The following LYPLAL1 variants were observed in gnomAD, a reference collection of about 807,000 sequenced individuals.
The protein encoded by LYPLAL1 is lysophospholipase-like protein 1.
LYPLAL1 carries 23 observed loss-of-function variants against 19.7 expected under a neutral mutation model. That is an observed-to-expected ratio of 1.17 (90% CI 0.84 to 1.65). The LOEUF (loss-of-function observed/expected upper bound fraction) is 1.65, where lower values mean the gene tolerates loss of function less well. Among genes scored for constraint, LYPLAL1 ranks in the 40% most tolerant of loss-of-function variants. The probability of loss-of-function intolerance (pLI) is 0.00; values close to 1 mark genes in which losing one functional copy is unlikely to be tolerated. For missense variants in LYPLAL1, 355 were observed against 279.4 expected (o/e 1.27, Z -1.93); for synonymous variants, 119 against 96.3 (o/e 1.24, Z -1.38).
At chr1:219,178,890 A>G (rs1288887747) in intron 1 of LYPLAL1, among the ~76,000 whole-genome samples, 1 of 132,590 alleles carries the variant, frequency 7.5e-6, no homozygotes, top group Non-Finnish European at 1.7e-5. Context: ...TAGGTAACTT[A>G]AAACTTAAGC....
chr1:219,349,908 C>A, the LYPLAL1 span, among the ~76,000 whole-genome samples: 8 of 152,286 alleles, frequency 5.3e-5, no homozygotes, highest in Admixed American at 2.0e-4. Context: ...GTAACATGAT[C>A]TTAGAAATGT....
the LYPLAL1 span, among the ~76,000 whole-genome samples, chr1:219,331,352 C>T: frequency 6.6e-6 from 1 of 152,114 alleles, no homozygotes; most frequent in East Asian, 1.9e-4. Flanking sequence ...CTTAAAACAA[C>T]AATTACTCTC....
chr1:219,213,140 T>A (rs1659161259), downstream of LYPLAL1, among the ~76,000 whole-genome samples: 1 of 152,080 alleles, frequency 6.6e-6, no homozygotes, highest in African/African-American at 2.4e-5. Context: ...TTAATTTTTA[T>A]ATGCTGATTA....
At chr1:219,200,396 CTTA>C (rs1658004755) in intron 3 of LYPLAL1, 2 of 192,724 alleles carry the variant, frequency 1.0e-5, no homozygotes, top group South Asian at 2.2e-4. Context: ...ATGCCCACCA[CTTA>C]TTAGCACATT....
the LYPLAL1 span, among the ~76,000 whole-genome samples, chr1:219,308,887 G>A: frequency 6.6e-6 from 1 of 152,194 alleles, no homozygotes; most frequent in Non-Finnish European, 1.5e-5. Context: ...GTAGAGCTGT[G>A]AGAAGAGAGC....
At chr1:219,416,306 A>G in the LYPLAL1 span, among the ~76,000 whole-genome samples, 12 of 152,186 alleles carry the variant, frequency 7.9e-5, no homozygotes, top group Non-Finnish European at 2.9e-5. Context: ...TCTGAGGACC[A>G]TGACAGTTTT....
chr1:219,184,134 T>G (rs1656522298), intron 2 of LYPLAL1, among the ~76,000 whole-genome samples: 1 of 151,924 alleles, frequency 6.6e-6, no homozygotes, highest in African/African-American at 2.4e-5. Context: ...GAATCTAGTT[T>G]GATTTAGAGA....
chr1:219,251,704 C>T, the LYPLAL1 span, among the ~76,000 whole-genome samples: 148 of 151,784 alleles, frequency 9.8e-4, no homozygotes, highest in Non-Finnish European at 1.7e-3. Flanking sequence ...TTGGAAGTTG[C>T]ATAATGTGAT....
the LYPLAL1 span, among the ~76,000 whole-genome samples, chr1:219,355,140 C>T: frequency 6.6e-6 from 1 of 152,104 alleles, no homozygotes; most frequent in Non-Finnish European, 1.5e-5. Context: ...CTCTACATAA[C>T]CAACACAGTA....
At chr1:219,407,400 A>G in the LYPLAL1 span, among the ~76,000 whole-genome samples, 10 of 152,342 alleles carry the variant, frequency 6.6e-5, 1 homozygote, top group East Asian at 7.7e-4. Flanking sequence ...ATTAGAGACC[A>G]TATATAGCAG....
At chr1:219,292,980 CTGCT>C in the LYPLAL1 span, among the ~76,000 whole-genome samples, 1 of 152,182 alleles carries the variant, frequency 6.6e-6, no homozygotes, top group Non-Finnish European at 1.5e-5. Context: ...AGTGGATTCA[CTGCT>C]TGGGGACTTT....
chr1:219,380,118 A>G, the LYPLAL1 span, among the ~76,000 whole-genome samples: 2 of 152,262 alleles, frequency 1.3e-5, no homozygotes, highest in African/African-American at 4.8e-5. Flanking sequence ...CATCTTTAGC[A>G]TCCTTTTATA....
chr1:219,300,711 AT>A, the LYPLAL1 span, among the ~76,000 whole-genome samples: 1 of 151,034 alleles, frequency 6.6e-6, no homozygotes, highest in Non-Finnish European at 1.5e-5. Flanking sequence ...ATTTTTTTGT[AT>A]TTTTAGTAGA....
At chr1:219,226,558 A>G in the LYPLAL1 span, among the ~76,000 whole-genome samples, 3 of 151,888 alleles carry the variant, frequency 2.0e-5, no homozygotes, top group African/African-American at 7.3e-5. Context: ...AGTAACTGGT[A>G]GCTGATGTGA....
At chr1:219,404,742 T>C in the LYPLAL1 span, among the ~76,000 whole-genome samples, 1 of 152,202 alleles carries the variant, frequency 6.6e-6, no homozygotes, top group African/African-American at 2.4e-5. Flanking sequence ...CAATAATTTG[T>C]TGTATATTTC....
At chr1:219,207,593 T>G (rs922496433) in intron 3 of LYPLAL1, among the ~76,000 whole-genome samples, 1 of 152,072 alleles carries the variant, frequency 6.6e-6, no homozygotes, top group African/African-American at 2.4e-5. Flanking sequence ...GTATAAGCAC[T>G]TTCTGTGTGC....
At chr1:219,403,249 C>G in the LYPLAL1 span, among the ~76,000 whole-genome samples, 3 of 152,150 alleles carry the variant, frequency 2.0e-5, no homozygotes, top group Non-Finnish European at 4.4e-5. Flanking sequence ...TCCTTGCCTT[C>G]TAAGAGTGCA....
At chr1:219,229,484 G>A in the LYPLAL1 span, among the ~76,000 whole-genome samples, 1 of 152,146 alleles carries the variant, frequency 6.6e-6, no homozygotes, top group African/African-American at 2.4e-5. Flanking sequence ...ATAAAACCTT[G>A]CACTAATTCT....
At chr1:219,342,544 G>A in the LYPLAL1 span, among the ~76,000 whole-genome samples, 2,976 of 152,116 alleles carry the variant, frequency 0.02, 83 homozygotes, top group African/African-American at 0.066. Context: ...CGTGGTTTCC[G>A]CAGACTCCAT....
Sources: gnomAD v4.1 joint callset for allele counts (sites outside exome capture counted in the v4.1 genomes callset) on GRCh38, gnomAD v4.1.1 for gene constraint, MANE v1.5 for transcripts, NCBI Gene and HGNC (gene_info 2026-07-23, HGNC 2026-07-21) for gene names.